Variants in FAM81A observed in about 807,000 individuals in gnomAD.
The protein encoded by FAM81A is family with sequence similarity 81 member A.
A neutral mutation model predicts 46.7 loss-of-function variants in FAM81A; 19 were observed. That is an observed-to-expected ratio of 0.41 (90% CI 0.28 to 0.60). The LOEUF is 0.60. Among genes scored for constraint, FAM81A ranks in the 20% least tolerant of loss-of-function variants. The pLI is 0.34. For synonymous variants in FAM81A, 183 were observed against 152.9 expected (o/e 1.20, Z -1.45); for missense variants, 377 against 453.5 (o/e 0.83, Z 1.53).
chr15:59,437,747 A>C (rs1005613004), upstream of FAM81A, among the ~76,000 whole-genome samples: 14 of 152,148 alleles, frequency 9.2e-5, no homozygotes, highest in Non-Finnish European at 1.9e-4. Flanking sequence ...GGTTTAGTAA[A>C]TAAGGTATAT....
chr15:59,401,123 G>T, intron 1 of FAM81A: 1 of 661,796 alleles, frequency 1.5e-6, no homozygotes, highest in Admixed American at 2.4e-5. Context: ...GATGATTGCA[G>T]ACATGTATGG....
At chr15:59,486,159 A>G (rs1490020293) in intron 3 of FAM81A, among the ~76,000 whole-genome samples, 1 of 151,906 alleles carries the variant, frequency 6.6e-6, no homozygotes, top group African/African-American at 2.4e-5. Flanking sequence ...ATCCTGGGCA[A>G]CAAGAGCAAC....
chr15:59,421,627 C>T (rs2081171760), intron 2 of FAM81A, among the ~76,000 whole-genome samples: 1 of 152,116 alleles, frequency 6.6e-6, no homozygotes, highest in Non-Finnish European at 1.5e-5. Context: ...CTGGCCTATA[C>T]CTGGAGTCCT....
chr15:59,482,499 C>T (rs1315076733), intron 3 of FAM81A, among the ~76,000 whole-genome samples: 1 of 152,166 alleles, frequency 6.6e-6, no homozygotes. Flanking sequence ...GAACTCCTGA[C>T]CTCAGGTGAT....
rs572782122 is a variant in FAM81A at position 59,523,097 on chromosome 15, T to C, written c.*1719T>C. 1.3e-5 allele frequency: 2 copies of C among 152,356 alleles called. No homozygotes were observed. Among genetic ancestry groups the C allele is most frequent in the South Asian group, 2.1e-4 (1 of 4,832 alleles). The allele number at this position is 152,356 out of a possible 1,614,324, so 9.4% of individuals were successfully genotyped here. Reference sequence around the variant, plus strand: ...AGCCACACCCCCTCCAGCATCTCTGTCTTGTGGGGTCTTTGAGGAGAAGGA... The same window carrying C: ...AGCCACACCCCCTCCAGCATCTCTGCCTTGTGGGGTCTTTGAGGAGAAGGA... On this transcript the variant is annotated 3_prime_UTR_variant, in exon 9 of 9. Transcript: ENST00000288228.
chr15:59,413,551 A>G (rs554673181), intron 2 of FAM81A, among the ~76,000 whole-genome samples: 1 of 152,234 alleles, frequency 6.6e-6, no homozygotes, highest in East Asian at 1.9e-4. Context: ...CAAATCAAAA[A>G]GTCTCTGTAC....
At chr15:59,502,066 ATAT>A (rs1192009213) in intron 4 of FAM81A, among the ~76,000 whole-genome samples, 1 of 151,802 alleles carries the variant, frequency 6.6e-6, no homozygotes, top group Non-Finnish European at 1.5e-5. Flanking sequence ...ATTGTTAACA[ATAT>A]GTCACATTTA....
At chr15:59,413,525 G>C (rs1363109724) in intron 2 of FAM81A, among the ~76,000 whole-genome samples, 1 of 151,844 alleles carries the variant, frequency 6.6e-6, no homozygotes, top group Non-Finnish European at 1.5e-5. Flanking sequence ...CTTATTTCAG[G>C]GGATATAATC....
chr15:59,476,427 A>C (rs2081769093), intron 3 of FAM81A, among the ~76,000 whole-genome samples: 1 of 152,148 alleles, frequency 6.6e-6, no homozygotes, highest in Admixed American at 6.5e-5. Context: ...TTCAGTCCGT[A>C]ACAATGATGT....
chr15:59,502,847 C>G (rs1459107626), intron 4 of FAM81A, among the ~76,000 whole-genome samples: 2 of 151,998 alleles, frequency 1.3e-5, no homozygotes, highest in African/African-American at 4.8e-5. Flanking sequence ...TCTTTGGTAT[C>G]TTACCTTGTG....
intron 3 of FAM81A, among the ~76,000 whole-genome samples, chr15:59,482,835 C>T (rs910536502): frequency 6.6e-6 from 1 of 152,160 alleles, no homozygotes; most frequent in Non-Finnish European, 1.5e-5. Context: ...AGCTTGCCAG[C>T]GCCTTCTCAT....
rs575870863 is a variant in FAM81A at position 59,477,781 on chromosome 15, A to G, written c.295-14490A>G. On this transcript the variant is annotated intron_variant, in intron 3 of 8. Transcript: ENST00000288228. ...TCAGCAGATACCAGTGTCAAAACAG[A>G]TGACTCTTGTATACTAATACACAGT... 5.3e-5 allele frequency among the ~76,000 whole-genome samples: 8 copies of G among 152,354 alleles called. No individual in the cohort carries two copies. The South Asian group carries it at 1.7e-3, about 32-fold the overall frequency.
chr15:59,402,045 GA>G, intron 1 of FAM81A: 1 of 552,938 alleles, frequency 1.8e-6, no homozygotes. Flanking sequence ...CCTGGGGTGC[GA>G]AAAACGCTCT....
intron 1 of FAM81A, among the ~76,000 whole-genome samples, chr15:59,446,191 G>A (rs1190577932): frequency 7.9e-5 from 12 of 152,248 alleles, no homozygotes; most frequent in Admixed American, 7.8e-4. Context: ...CGGCAGCTCA[G>A]CTGGGGAGAC....
At chr15:59,434,980 C>T (rs1469045668), upstream of FAM81A, among the ~76,000 whole-genome samples, 8 of 152,144 alleles carry the variant, frequency 5.3e-5, no homozygotes, top group Non-Finnish European at 7.4e-5. Context: ...AGAGCTCAGC[C>T]GTGGAATAAA....
At chr15:59,418,979 GA>G (rs1226413737) in intron 2 of FAM81A, among the ~76,000 whole-genome samples, 15 of 152,088 alleles carry the variant, frequency 9.9e-5, no homozygotes, top group Non-Finnish European at 1.8e-4. Context: ...ACTGGCTGTA[GA>G]AAAAAAATGT....
chr15:59,437,804 C>T (rs1029915908), upstream of FAM81A, among the ~76,000 whole-genome samples: 1 of 152,152 alleles, frequency 6.6e-6, no homozygotes, highest in Non-Finnish European at 1.5e-5. Context: ...GCTATGATCT[C>T]CGTCAGGCAC....
chr15:59,503,770 C>G (rs12593240), intron 4 of FAM81A, among the ~76,000 whole-genome samples: 152,282 of 152,282 alleles, frequency 1, 76,141 homozygotes, highest in Non-Finnish European at 1. Flanking sequence ...ATGGGGTTTT[C>G]CCATGTTGGC....
intron 3 of FAM81A, among the ~76,000 whole-genome samples, chr15:59,474,453 C>T (rs1265815614): frequency 2.0e-5 from 3 of 152,158 alleles, no homozygotes; most frequent in Non-Finnish European, 2.9e-5. Context: ...ATCCTGTGTC[C>T]TCACATTGCA....
Sources: allele counts gnomAD v4.1 joint callset (sites outside exome capture counted in the v4.1 genomes callset), GRCh38; gene constraint gnomAD v4.1.1; transcripts MANE v1.5; gene names NCBI Gene and HGNC (gene_info 2026-07-23, HGNC 2026-07-21).